The following PPM1B variants were observed in gnomAD, a reference collection of about 807,000 sequenced individuals.
PPM1B encodes the protein protein phosphatase 1B.
Under a neutral mutation model 43.0 loss-of-function variants are expected in PPM1B, and 22 were observed. The observed-to-expected ratio is 0.51, with a 90% CI of 0.37 to 0.73. The LOEUF (loss-of-function observed/expected upper bound fraction) is 0.73. Ranked by LOEUF, PPM1B falls within the 30% of genes least tolerant of loss-of-function variation. PPM1B has a pLI of 0.00. For synonymous variants in PPM1B, 217 were observed against 197.9 expected (o/e 1.10, Z -0.81); for missense variants, 632 against 584.2 (o/e 1.08, Z -0.84).
intron 3 of PPM1B, among the ~76,000 whole-genome samples, chr2:44,212,018 G>A (rs1669494753): frequency 6.6e-6 from 1 of 152,128 alleles, no homozygotes; most frequent in African/African-American, 2.4e-5. Flanking sequence ...CCAAAGTGCT[G>A]GGATTACAGG....
At chr2:44,179,837 C>T (rs1296352145) in intron 1 of PPM1B, among the ~76,000 whole-genome samples, 4 of 151,892 alleles carry the variant, frequency 2.6e-5, no homozygotes, top group Admixed American at 1.3e-4. Flanking sequence ...GGTGAAACTC[C>T]GTCTCTACTA....
At chr2:44,169,697 G>C (rs1667229895) in intron 1 of PPM1B, among the ~76,000 whole-genome samples, 1 of 152,340 alleles carries the variant, frequency 6.6e-6, no homozygotes, top group Admixed American at 6.5e-5. Context: ...TTCCTCATCA[G>C]CTTCTGCCCT....
chr2:44,189,861 C>T (rs1200737082), intron 1 of PPM1B, among the ~76,000 whole-genome samples: 11 of 152,182 alleles, frequency 7.2e-5, no homozygotes, highest in Admixed American at 7.2e-4. Context: ...GCCCCCATTT[C>T]CTGCTCTTAA....
At chr2:44,209,493 A>G in intron 3 of PPM1B, 166 bp downstream of exon 3, 1 of 851,846 alleles carries the variant, frequency 1.2e-6, no homozygotes, top group Non-Finnish European at 1.7e-6. Flanking sequence ...TTATTTTAAA[A>G]TTTCCTGGTC....
chr2:44,202,496 A>G (rs1668987814), intron 2 of PPM1B, among the ~76,000 whole-genome samples: 1 of 152,362 alleles, frequency 6.6e-6, no homozygotes, highest in East Asian at 1.9e-4. Context: ...GCCTCCTAGC[A>G]GTGAAGACAA....
chr2:44,199,303 C>CA (rs1339815695), intron 1 of PPM1B, among the ~76,000 whole-genome samples: 1,304 of 66,698 alleles, frequency 0.02, 11 homozygotes, highest in African/African-American at 0.041. Flanking sequence ...CTGTAGATCT[C>CA]AAAAAAAAAA....
At chr2:44,200,846 A>C (rs923550056) in intron 1 of PPM1B, among the ~76,000 whole-genome samples, 5 of 152,238 alleles carry the variant, frequency 3.3e-5, no homozygotes, top group African/African-American at 1.2e-4. Flanking sequence ...GAAATTATTA[A>C]TGAAGTTTTA....
chr2:44,236,574 C>G (rs375355453), downstream of PPM1B, among the ~76,000 whole-genome samples: 5 of 151,764 alleles, frequency 3.3e-5, no homozygotes, highest in African/African-American at 1.2e-4. Flanking sequence ...TCATATTAGC[C>G]GTATATTTGA....
intron 1 of PPM1B, among the ~76,000 whole-genome samples, chr2:44,183,247 A>G (rs888422582): frequency 2.6e-5 from 4 of 152,236 alleles, no homozygotes; most frequent in Admixed American, 1.3e-4. Context: ...TGTGACCACC[A>G]CTACCATCTT....
At chr2:44,217,357 C>G (rs1669770448) in intron 3 of PPM1B, among the ~76,000 whole-genome samples, 1 of 151,294 alleles carries the variant, frequency 6.6e-6, no homozygotes, top group African/African-American at 2.4e-5. Flanking sequence ...CAAGATCACG[C>G]CATTGCACTC....
At chr2:44,186,418 G>A (rs1572694621) in intron 1 of PPM1B, among the ~76,000 whole-genome samples, 1 of 152,288 alleles carries the variant, frequency 6.6e-6, no homozygotes, top group East Asian at 1.9e-4. Flanking sequence ...ATCGAGGCTG[G>A]AACGCAGTCA....
intron 5 of PPM1B, among the ~76,000 whole-genome samples, chr2:44,241,525 A>G (rs1036579747): frequency 5.6e-5 from 8 of 142,758 alleles, no homozygotes; most frequent in African/African-American, 1.7e-4. Context: ...TGAGGTCAAG[A>G]GTTCGAGACC....
At chr2:44,170,284 G>C (rs959729184) in intron 1 of PPM1B, among the ~76,000 whole-genome samples, 3 of 152,216 alleles carry the variant, frequency 2.0e-5, no homozygotes, top group African/African-American at 7.2e-5. Flanking sequence ...TAACTGGGAA[G>C]TTGTTTTGAT....
At chr2:44,170,926 C>T (rs1384960518) in intron 1 of PPM1B, among the ~76,000 whole-genome samples, 1 of 151,802 alleles carries the variant, frequency 6.6e-6, no homozygotes, top group Non-Finnish European at 1.5e-5. Flanking sequence ...TTTTGTGCTT[C>T]TTCTCTCAAT....
chr2:44,183,658 A>C (rs1572691116), intron 1 of PPM1B, among the ~76,000 whole-genome samples: 1 of 152,328 alleles, frequency 6.6e-6, no homozygotes, highest in Non-Finnish European at 1.5e-5. Context: ...AGAATTAGCC[A>C]GAGAGCTTTT....
intron 5 of PPM1B, among the ~76,000 whole-genome samples, chr2:44,240,824 C>T (rs980183755): frequency 6.9e-6 from 1 of 145,634 alleles, no homozygotes; most frequent in African/African-American, 2.5e-5. Context: ...TCCCGAGCTC[C>T]AGCAGCAGCC....
chr2:44,203,718 G>A (rs918762068), intron 2 of PPM1B, among the ~76,000 whole-genome samples: 6 of 152,076 alleles, frequency 3.9e-5, no homozygotes, highest in African/African-American at 1.4e-4. Context: ...ATGCCTATAA[G>A]TATTGATCTG....
At chr2:44,244,421 C>G (rs1403658533), downstream of PPM1B, 1 of 1,215,436 alleles carries the variant, frequency 8.2e-7, no homozygotes, top group African/African-American at 1.6e-5. Context: ...TCTTATAACC[C>G]ATTAGTGGAG....
At chr2:44,212,019 G>T (rs1334825083) in intron 3 of PPM1B, among the ~76,000 whole-genome samples, 1 of 152,056 alleles carries the variant, frequency 6.6e-6, no homozygotes. Context: ...CAAAGTGCTG[G>T]GATTACAGGC....
Sources: allele counts gnomAD v4.1 joint callset (sites outside exome capture counted in the v4.1 genomes callset), GRCh38; gene constraint gnomAD v4.1.1; transcripts MANE v1.5; gene names NCBI Gene and HGNC (gene_info 2026-07-23, HGNC 2026-07-21).